KRT84: variants seen among roughly 807,000 people sequenced by gnomAD.
The protein encoded by KRT84 is keratin 84, also known as keratin, type II cuticular Hb4.
Under a neutral mutation model 49.0 loss-of-function variants are expected in KRT84, and 38 were observed. The observed-to-expected ratio is 0.78, with a 90% CI of 0.60 to 1.02. The LOEUF is 1.02. Ranked by LOEUF, KRT84 falls within the 50% of genes least tolerant of loss-of-function variation. The pLI is 0.00. For missense variants in KRT84, 860 were observed against 788.6 expected (o/e 1.09, Z -1.08); for synonymous variants, 334 against 312.8 (o/e 1.07, Z -0.72).
At position 52,383,087 on chromosome 12, in the gene KRT84, G is replaced by A. The variant is rs751979628; in HGVS notation, c.756-22C>T. On this transcript the variant is annotated intron_variant, in intron 2 of 8. Transcript: ENST00000257951. ...ATACCTGATGATAAAGGTTAAGAGG[G>A]TGAGTGCTTACTCTGAACTGAGAGG... 3.1e-6 allele frequency: 5 copies of A among 1,606,568 alleles called. No individual in the cohort carries two copies. The East Asian group carries it at 1.1e-4, about 36-fold the overall frequency.
In KRT84 at chr12:52,378,153, A is replaced by G; in HGVS notation, c.1684T>C (p.Cys562Arg). 6.4e-7 allele frequency: 1 copy of G among 1,573,060 alleles called. No homozygotes were observed. Among genetic ancestry groups the G allele is most frequent in the Admixed American group, 1.8e-5 (1 of 54,270 alleles). Residue 562 changes from cysteine (C) to arginine (R), a missense_variant, in exon 9 of 9, where the codon TGT becomes CGT. Coordinates refer to ENST00000257951, the MANE Select transcript of KRT84 (RefSeq NM_033045.4). ...RSGSMLISEA[C>R]VPSVPCPLPT... ...AGGGGGCAGGGGACGCTGGGGACAC[A>G]GGCCTCGCTGATGAGCATGGAGCCA...
chr12:52,380,694 A>G (rs1208207396), intron 6 of KRT84, 111 bp from the exon 7 acceptor site: 1 of 1,108,694 alleles, frequency 9.0e-7, no homozygotes, highest in Admixed American at 2.6e-5. Context: ...CAAGGCAGGG[A>G]TGGACCCCAT....
chr12:52,380,631 C>T, intron 6 of KRT84, 48 bp from the exon 7 acceptor site: 1 of 1,521,642 alleles, frequency 6.6e-7, no homozygotes, highest in Non-Finnish European at 8.9e-7. Context: ...GCCAGGGCAT[C>T]CCCAGGTTGG....
chr12:52,384,756 A>G (rs1249974410), intron 1 of KRT84, among the ~76,000 whole-genome samples: 1 of 152,182 alleles, frequency 6.6e-6, no homozygotes, highest in Non-Finnish European at 1.5e-5. Context: ...GCAACATCTT[A>G]GTTTGTCGAG....
At chr12:52,379,991 G>C in intron 7 of KRT84, 84 bp from the exon 8 acceptor site, 1 of 1,188,326 alleles carries the variant, frequency 8.4e-7, no homozygotes, top group Non-Finnish European at 1.2e-6. Context: ...TTTCTTGTTT[G>C]AGTAGATCTG....
chr12:52,383,459 A>AC, intron 2 of KRT84, 131 bp downstream of exon 2: 1 of 304,682 alleles, frequency 3.3e-6, no homozygotes, highest in East Asian at 6.5e-5. Flanking sequence ...ACCCACCCCC[A>AC]CCTCCCCAGG....
upstream of KRT84, among the ~76,000 whole-genome samples, chr12:52,386,396 T>TTTA (rs1313466190): frequency 4.0e-5 from 6 of 148,656 alleles, no homozygotes; most frequent in Non-Finnish European, 7.4e-5. Context: ...ATCTTAAATT[T>TTTA]TTTTTTTTTT....
rs1035929999 is a variant in KRT84 at position 52,382,526 on chromosome 12, C to T, written c.823G>A (p.Asp275Asn). The T allele has an allele frequency of 8.7e-6, 14 of 1,612,350 alleles. No homozygotes were observed. The highest frequency in any genetic ancestry group is 1.3e-5 in the African/African-American group (1 of 74,864). The part of the protein sequence containing the change: ...NEFVALKKDV[D>N]AAFMNKSDLE... ...TCAGACTTGTTCATGAAAGCTGCAT[C>T]CACATCCTGTATAAAACAGAGAAGG... Residue 275 changes from aspartate to asparagine, a missense_variant, in exon 4 of 9, where the codon GAT becomes AAT. Asp to Asn is a conservative substitution (Grantham distance 23, BLOSUM62 1). Transcript: ENST00000257951.
Position 52,385,487 on chromosome 12 carries a change from G to A in KRT84, c.99C>T (p.Ala33=), listed in dbSNP as rs1330140779. The change falls in exon 1 of 9, where the codon GCC becomes GCT. Residue 33 remains alanine (A), a synonymous_variant. Coordinates refer to ENST00000257951, the MANE Select transcript of KRT84 (RefSeq NM_033045.4). Reference sequence around the variant, plus strand: ...GCCCACTCCAACAGGAGACAGAGTTGGCCCGGAAGCGATTCAGGTTCTGTG... The same window carrying A: ...GCCCACTCCAACAGGAGACAGAGTTAGCCCGGAAGCGATTCAGGTTCTGTG... The part of the protein sequence containing the change: ...MTPQNLNRFR[A]NSVSCWSGPG... 1 of 1,614,254 alleles carries A rather than the reference G, an allele frequency of 6.2e-7. No individual in the cohort carries two copies. Among genetic ancestry groups the A allele is most frequent in the Admixed American group, 1.7e-5 (1 of 60,030 alleles).
At chr12:52,383,872 G>A in intron 1 of KRT84, 74 bp from the exon 2 acceptor site, 1 of 1,226,362 alleles carries the variant, frequency 8.2e-7, no homozygotes, top group Non-Finnish European at 1.2e-6. Context: ...CTCTTGAGAT[G>A]GCCAGCGATG....
At chr12:52,379,831 T>G in intron 8 of KRT84, 45 bp downstream of exon 8, 1 of 1,538,354 alleles carries the variant, frequency 6.5e-7, no homozygotes, top group African/African-American at 1.4e-5. Context: ...AAAGGAAGTT[T>G]GAAGAGGAGA....
In KRT84 at chr12:52,385,308, A is replaced by G; in HGVS notation, c.278T>C (p.Val93Ala). The change falls in exon 1 of 9, where the codon GTT (valine) becomes GCT (alanine). Residue 93 changes from valine (V) to alanine (A), a missense_variant. Val to Ala is a moderately conservative substitution (Grantham distance 64, BLOSUM62 0). Transcript: ENST00000257951. ...GCTGTCAGCCCTAGGCCCCAGACCA[A>G]CACCTCTCCCATCACCAAAACCCAT... ...CGMGFGDGRG[V>A]GLGPRADSCV... 1 of 1,614,128 alleles carries G rather than the reference A, an allele frequency of 6.2e-7. No individual in the cohort carries two copies. The highest frequency in any genetic ancestry group is 8.5e-7 in the Non-Finnish European group (1 of 1,180,026).
At position 52,382,432 on chromosome 12, in the gene KRT84, C is replaced by T. The variant is rs752523543; in HGVS notation, c.912+5G>A. ...TTGGGTGCCCTAGAGAAGATGAACC[C>T]TCACCTCCATGTAAAGCGTTTTTAG... On this transcript the variant is annotated splice_donor_5th_base_variant and intron_variant, in intron 4 of 8. Coordinates refer to ENST00000257951, the MANE Select transcript of KRT84 (RefSeq NM_033045.4). 1.9e-6 allele frequency: 3 copies of T among 1,607,624 alleles called. No individual in the cohort carries two copies. In the South Asian group the frequency reaches 3.3e-5, roughly 18 times the overall value.
At position 52,379,877 on chromosome 12, in the gene KRT84, T is replaced by C; in HGVS notation, c.1455A>G (p.Ile485Met). ...AAGAGGAAAAAACAAGTTTCTTACATATGTTTACTGGTCCAACACCTTCAC... is the reference window on the plus strand; with the variant it reads ...AAGAGGAAAAAACAAGTTTCTTACACATGTTTACTGGTCCAACACCTTCAC... The part of the protein sequence containing the change: ...RLCEGVGPVN[I>M]SVSSSRGGLV... Residue 485 changes from isoleucine to methionine, a missense_variant and splice_region_variant, in exon 8 of 9, where the codon ATA becomes ATG. Physicochemically the swap from Ile to Met is conservative, Grantham distance 10 (BLOSUM62 1). Transcript: ENST00000257951. 1 of 1,610,464 alleles carries C rather than the reference T, an allele frequency of 6.2e-7. No homozygotes were observed. The highest frequency in any genetic ancestry group is 1.7e-5 in the Admixed American group (1 of 60,010).
intron 1 of KRT84, 103 bp downstream of exon 1, chr12:52,384,937 G>T: frequency 8.1e-7 from 1 of 1,228,974 alleles, no homozygotes; most frequent in Non-Finnish European, 1.1e-6. Context: ...TGAGGTCAAG[G>T]TCAAGTCCCC....
Position 52,378,242 on chromosome 12 carries a change from G to T in KRT84, c.1595C>A (p.Pro532His). Residue 532 changes from proline (P) to histidine (H), a missense_variant, in exon 9 of 9, where the codon CCC (proline) becomes CAC (histidine). Coordinates refer to ENST00000257951, the MANE Select transcript of KRT84 (RefSeq NM_033045.4). ...GGCGACCCGGGCTCCACCCAGGCTG[G>T]GGCCACAGGAAGCCAGGACCCCACT... ...ATSGVLASCG[P>H]SLGGARVAPA... 6.4e-7 allele frequency: 1 copy of T among 1,563,688 alleles called. No homozygotes were observed. The highest frequency in any genetic ancestry group is 8.7e-7 in the Non-Finnish European group (1 of 1,155,468).
rs375952220 is a variant in KRT84 at position 52,378,160 on chromosome 12, G to C, written c.1677C>G (p.Ser559Arg). ...TGTRSGSMLISEACVPSVPCP... is the reference protein window; with the variant it reads ...TGTRSGSMLIREACVPSVPCP... Reference sequence around the variant, plus strand: ...AGGGGACGCTGGGGACACAGGCCTCGCTGATGAGCATGGAGCCACTCCTTG... The same window carrying C: ...AGGGGACGCTGGGGACACAGGCCTCCCTGATGAGCATGGAGCCACTCCTTG... Residue 559 changes from serine to arginine, a missense_variant, in exon 9 of 9, where the codon AGC (serine) becomes AGG (arginine). Transcript: ENST00000257951. 3.8e-6 allele frequency: 6 copies of C among 1,575,902 alleles called. No homozygotes were observed. The highest frequency in any genetic ancestry group is 5.2e-6 in the Non-Finnish European group (6 of 1,162,344).
intron 1 of KRT84, 56 bp downstream of exon 1, chr12:52,384,984 C>A: frequency 6.5e-7 from 1 of 1,527,324 alleles, no homozygotes; most frequent in Non-Finnish European, 8.9e-7. Flanking sequence ...AAAGAGCACT[C>A]TAGCGCATTT....
chr12:52,385,437 A>C lies in KRT84; in HGVS notation c.149T>G (p.Phe50Cys), dbSNP rs554862122. The C allele has an allele frequency of 3.7e-5, 59 of 1,614,150 alleles. No homozygotes were observed. The South Asian group carries it at 6.1e-4, about 17-fold the overall frequency. Reference protein sequence around the residue: ...SGPGFRGLGSFGSRSVITFGS... With the variant: ...SGPGFRGLGSCGSRSVITFGS... The stretch of plus-strand genomic sequence containing the variant: ...AAAGGTGATGACACTCCGACTACCA[A>C]AGCTGCCAAGGCCCCGGAATCCAGG... The change falls in exon 1 of 9, where the codon TTT (phenylalanine) becomes TGT (cysteine). Residue 50 changes from phenylalanine to cysteine, a missense_variant. Coordinates refer to ENST00000257951, the MANE Select transcript of KRT84 (RefSeq NM_033045.4).
Sources: gnomAD v4.1 joint callset for allele counts (sites outside exome capture counted in the v4.1 genomes callset) on GRCh38, gnomAD v4.1.1 for gene constraint, MANE v1.5 for transcripts, NCBI Gene and HGNC (gene_info 2026-07-23, HGNC 2026-07-21) for gene names.